PIK3C2A: variants seen among roughly 807,000 people sequenced by gnomAD.
The protein encoded by PIK3C2A is phosphatidylinositol 4-phosphate 3-kinase C2 domain-containing subunit alpha.
In PIK3C2A, 97 loss-of-function variants were observed where a neutral mutation model predicts 204.5. The observed-to-expected ratio is 0.47, with a 90% CI of 0.40 to 0.56. The LOEUF (loss-of-function observed/expected upper bound fraction) is 0.56, where lower values mean the gene tolerates loss of function less well. Ranked by LOEUF, PIK3C2A falls within the 20% of genes least tolerant of loss-of-function variation. The pLI, the probability that PIK3C2A is intolerant of heterozygous loss-of-function variation, is 0.00. For synonymous variants in PIK3C2A, 653 were observed against 664.4 expected (o/e 0.98, Z 0.26); for missense variants, 1,735 against 1,969.2 (o/e 0.88, Z 2.25).
In PIK3C2A at chr11:17,191,300, G is replaced by C. The variant is rs149316591; in HGVS notation, c.-66+16548C>G. Among the ~76,000 whole-genome samples, 7 of 152,308 alleles carry C rather than the reference G, an allele frequency of 4.6e-5. No individual in the cohort carries two copies. In the East Asian group the frequency reaches 1.4e-3, roughly 29 times the overall value. ...GGCCAACCAGAAAGGCCAACCATGT[G>C]ATTTAGGATGGGGACTTTGGGTCAC... is the stretch of plus-strand genomic sequence containing the variant. On this transcript the variant is annotated intron_variant, in intron 1 of 32. Coordinates refer to ENST00000691414, the MANE Select transcript of PIK3C2A (RefSeq NM_002645.4).
intron 1 of PIK3C2A, among the ~76,000 whole-genome samples, chr11:17,185,518 A>T (rs908423081): frequency 6.6e-6 from 1 of 152,216 alleles, no homozygotes; most frequent in Non-Finnish European, 1.5e-5. Context: ...ATCTTGGAAC[A>T]TATCCTACTA....
rs566447480 is a variant in PIK3C2A at position 17,143,252 on chromosome 11, A to G, written c.1704+2416T>C. Among the ~76,000 whole-genome samples, 129 of 152,206 alleles carry G rather than the reference A, an allele frequency of 8.5e-4. 1 individual carries two copies. The highest frequency in any genetic ancestry group is 2.9e-3 in the African/African-American group (122 of 41,510). ...CTTTCCCCTTCACTCACATCTCATCACCTATTAAAATCTTTTCAATTTTAT... is the reference window on the plus strand; with the variant it reads ...CTTTCCCCTTCACTCACATCTCATCGCCTATTAAAATCTTTTCAATTTTAT... On this transcript the variant is annotated intron_variant, in intron 8 of 32. Transcript: ENST00000691414.
intron 6 of PIK3C2A, among the ~76,000 whole-genome samples, chr11:17,146,452 C>G (rs1034597517): frequency 6.6e-6 from 1 of 152,086 alleles, no homozygotes; most frequent in Admixed American, 6.5e-5. Context: ...GTGGCTCACG[C>G]CTGTAATCCC....
intron 1 of PIK3C2A, among the ~76,000 whole-genome samples, chr11:17,205,991 C>T (rs1315060804): frequency 2.0e-5 from 3 of 152,106 alleles, no homozygotes; most frequent in Non-Finnish European, 2.9e-5. Flanking sequence ...TGTGTGGTGG[C>T]GCGTGCCTGT....
chr11:17,112,643 AT>A lies in PIK3C2A; in HGVS notation c.3344del (p.Asn1115MetfsTer5). On this transcript the variant is annotated frameshift_variant, in exon 21 of 33. Transcript: ENST00000691414. LOFTEE classifies it high-confidence loss of function. ...CCATTGTGACTTTTAGGGGGACAGC[AT>A]TAGAACTGAAGAAGGAACACGACTG... is the stretch of plus-strand genomic sequence containing the variant. ...NIKSCSFFSS[N>X]AVPLKVTMVN... 1 of 1,528,854 alleles carries A rather than the reference AT, an allele frequency of 6.5e-7. No individual in the cohort carries two copies. Among genetic ancestry groups the A allele is most frequent in the Non-Finnish European group, 8.8e-7 (1 of 1,131,728 alleles). 94.7% of individuals were successfully genotyped at this position (1,528,854 alleles called of 1,614,324 possible). A position where few individuals can be genotyped will look rare whatever the true frequency, so the allele number is the denominator to read the frequency against.
chr11:17,102,940 A>G, intron 23 of PIK3C2A, 109 bp from the exon 24 acceptor site: 1 of 672,066 alleles, frequency 1.5e-6, no homozygotes, highest in South Asian at 2.1e-5. Flanking sequence ...ATTGTAATCC[A>G]CTCTCTCAAT....
At chr11:17,193,517 A>G (rs936743816) in intron 1 of PIK3C2A, 10 of 449,780 alleles carry the variant, frequency 2.2e-5, no homozygotes, top group Non-Finnish European at 4.0e-5. Context: ...CACACCACAC[A>G]CAACATTCCC....
At position 17,089,694 on chromosome 11, in the gene PIK3C2A, C is replaced by A. The variant is rs775994151; in HGVS notation, c.*44G>T. Reference sequence around the variant, plus strand: ...GTGTGTGTGTGCATGTATGCATGCACGTTTATAACTGTTCATGCTTCCAAA... The same window carrying A: ...GTGTGTGTGTGCATGTATGCATGCAAGTTTATAACTGTTCATGCTTCCAAA... On this transcript the variant is annotated 3_prime_UTR_variant, in exon 33 of 33. Transcript: ENST00000691414. The A allele has an allele frequency of 2.2e-6, 3 of 1,338,368 alleles. No homozygotes were observed. Among genetic ancestry groups the A allele is most frequent in the Admixed American group, 1.8e-5 (1 of 56,470 alleles). The allele number at this position is 1,338,368 out of a possible 1,614,324, so 82.9% of individuals were successfully genotyped here. A position where few individuals can be genotyped will look rare whatever the true frequency, so the allele number is the denominator to read the frequency against.
In PIK3C2A at chr11:17,117,763, G is replaced by A. The variant is rs61762022; in HGVS notation, c.3036-92C>T. ...GGAGCCTCACTCGTCACCCAGGCTG[G>A]AGTGCAGTGGCGCCATCTCGGCTCA... On this transcript the variant is annotated intron_variant, in intron 18 of 32. Coordinates refer to ENST00000691414, the MANE Select transcript of PIK3C2A (RefSeq NM_002645.4). 250 of 703,722 alleles carry A rather than the reference G, an allele frequency of 3.6e-4. 2 individuals carry two copies. In the African/African-American group the frequency reaches 4.2e-3, roughly 12 times the overall value. The allele number at this position is 703,722 out of a possible 1,614,324, so 43.6% of individuals were successfully genotyped here.
chr11:17,193,990 A>G (rs1591022151), intron 1 of PIK3C2A: 2 of 364,180 alleles, frequency 5.5e-6, no homozygotes, highest in East Asian at 9.6e-5. Flanking sequence ...GTGCATTGCC[A>G]AGAAGCAAAA....
chr11:17,152,886 T>C (rs905060585), intron 3 of PIK3C2A, among the ~76,000 whole-genome samples: 1 of 152,138 alleles, frequency 6.6e-6, no homozygotes, highest in Non-Finnish European at 1.5e-5. Context: ...AATATTATTC[T>C]ATAGGAAAGT....
chr11:17,152,135 C>T (rs1013907230), intron 3 of PIK3C2A, among the ~76,000 whole-genome samples: 1 of 152,084 alleles, frequency 6.6e-6, no homozygotes, highest in Non-Finnish European at 1.5e-5. Flanking sequence ...TAAAATAAGT[C>T]CTTTCTTTTA....
chr11:17,189,990 C>T (rs891399546), intron 1 of PIK3C2A, among the ~76,000 whole-genome samples: 4 of 151,938 alleles, frequency 2.6e-5, no homozygotes, highest in African/African-American at 2.4e-5. Flanking sequence ...TTAGGCTGGG[C>T]GTGGTGGCTC....
intron 1 of PIK3C2A, among the ~76,000 whole-genome samples, chr11:17,177,803 CA>C (rs1851386542): frequency 6.6e-6 from 1 of 152,060 alleles, no homozygotes; most frequent in Admixed American, 6.5e-5. Context: ...CCAAAAGAAA[CA>C]GAATGAGGCC....
At chr11:17,187,017 T>C (rs993989452) in intron 1 of PIK3C2A, among the ~76,000 whole-genome samples, 1 of 152,156 alleles carries the variant, frequency 6.6e-6, no homozygotes, top group Non-Finnish European at 1.5e-5. Flanking sequence ...CAAGGCTCCC[T>C]AGTGCCTGGG....
intron 6 of PIK3C2A, among the ~76,000 whole-genome samples, chr11:17,146,433 C>A (rs1974527): frequency 0.25 from 37,658 of 151,998 alleles, 5,010 homozygotes; most frequent in Middle Eastern, 0.35. Flanking sequence ...TCATTCCTGA[C>A]AGGGCGCGGT....
chr11:17,181,434 G>C (rs548802146), intron 1 of PIK3C2A, among the ~76,000 whole-genome samples: 1 of 151,356 alleles, frequency 6.6e-6, no homozygotes, highest in South Asian at 2.1e-4. Flanking sequence ...ATAAAACTTA[G>C]AAACAGGTTG....
intron 20 of PIK3C2A, among the ~76,000 whole-genome samples, chr11:17,113,783 A>C (rs896870963): frequency 6.5e-4 from 94 of 144,584 alleles, no homozygotes; most frequent in South Asian, 1.7e-3. Flanking sequence ...CTCCATCTCA[A>C]AAAAAAAAAA....
At chr11:17,103,842 T>A (rs1848720051) in intron 23 of PIK3C2A, among the ~76,000 whole-genome samples, 1 of 152,166 alleles carries the variant, frequency 6.6e-6, no homozygotes, top group African/African-American at 2.4e-5. Flanking sequence ...GCCAAATTCA[T>A]AAAAGATGCT....
Sources: gnomAD v4.1 joint callset for allele counts (sites outside exome capture counted in the v4.1 genomes callset) on GRCh38, gnomAD v4.1.1 for gene constraint, MANE v1.5 for transcripts, NCBI Gene and HGNC (gene_info 2026-07-23, HGNC 2026-07-21) for gene names.